The following TMCC1 variants were observed in gnomAD, a reference collection of about 807,000 sequenced individuals.
The protein encoded by TMCC1 is transmembrane and coiled-coil domains protein 1.
Under a neutral mutation model 52.4 loss-of-function variants are expected in TMCC1, and 15 were observed. The ratio of observed to expected loss-of-function variants is 0.29; its 90% CI spans 0.19 to 0.44. The LOEUF is 0.44. Among genes scored for constraint, TMCC1 ranks in the 20% least tolerant of loss-of-function variants. The pLI, the probability that TMCC1 is intolerant of heterozygous loss-of-function variation, is 1.00. For synonymous variants in TMCC1, 279 were observed against 301.9 expected, an observed-to-expected ratio of 0.92 and a Z score of 0.79; for missense variants, 503 against 806.0, an observed-to-expected ratio of 0.62 and a Z score of 4.55.
chr3:129,822,859 G>C (rs1417926434), intron 4 of TMCC1, among the ~76,000 whole-genome samples: 1 of 152,150 alleles, frequency 6.6e-6, no homozygotes, highest in East Asian at 1.9e-4. Flanking sequence ...AGCAGCCAGT[G>C]ATCTTCTGAC....
At chr3:129,798,686 A>G (rs16863175) in intron 4 of TMCC1, among the ~76,000 whole-genome samples, 12,781 of 152,308 alleles carry the variant, frequency 0.084, 730 homozygotes, top group East Asian at 0.2. Context: ...AACAAAATTC[A>G]GTAATTTCTC....
At chr3:129,688,398 G>A in intron 4 of TMCC1, 2 of 985,460 alleles carry the variant, frequency 2.0e-6, no homozygotes, top group Non-Finnish European at 2.4e-6. Flanking sequence ...CTGCAAATGA[G>A]GACAGCTACC....
At chr3:129,866,526 C>T (rs183462721) in intron 2 of TMCC1, among the ~76,000 whole-genome samples, 8,423 of 151,034 alleles carry the variant, frequency 0.056, 332 homozygotes, top group Middle Eastern at 0.15. Context: ...TACAGGCATG[C>T]GCCACCACGC....
chr3:129,789,489 C>G (rs2056295283), intron 4 of TMCC1, among the ~76,000 whole-genome samples: 1 of 151,470 alleles, frequency 6.6e-6, no homozygotes, highest in Admixed American at 6.6e-5. Context: ...TTCTCCACTT[C>G]TTTTTTTTTG....
At chr3:129,815,079 T>G (rs2058030454) in intron 4 of TMCC1, among the ~76,000 whole-genome samples, 1 of 151,900 alleles carries the variant, frequency 6.6e-6, no homozygotes, top group African/African-American at 2.4e-5. Flanking sequence ...TATAGAACAC[T>G]TCACCCAATT....
chr3:129,667,732 T>A (rs1329222059), intron 5 of TMCC1, among the ~76,000 whole-genome samples: 1 of 152,214 alleles, frequency 6.6e-6, no homozygotes. Context: ...TGTCCTATTA[T>A]GTCTCCGACT....
chr3:129,796,737 A>C (rs560766631), intron 4 of TMCC1, among the ~76,000 whole-genome samples: 2 of 152,170 alleles, frequency 1.3e-5, no homozygotes, highest in Non-Finnish European at 2.9e-5. Context: ...ACTACTTGGG[A>C]GACTGAGGTG....
At chr3:129,770,412 A>T (rs2054466172) in intron 4 of TMCC1, among the ~76,000 whole-genome samples, 1 of 152,038 alleles carries the variant, frequency 6.6e-6, no homozygotes, top group Admixed American at 6.6e-5. Context: ...GTTACTCAGG[A>T]GGCTGAGATA....
chr3:129,649,977 T>C lies in TMCC1; in HGVS notation c.*1504A>G, dbSNP rs183508140. The C allele has an allele frequency of 6.5e-6, 1 of 152,728 alleles. No individual in the cohort carries two copies. Among genetic ancestry groups the C allele is most frequent in the East Asian group, 1.9e-4 (1 of 5,184 alleles). 9.5% of individuals were successfully genotyped at this position (152,728 alleles called of 1,614,324 possible). A position where few individuals can be genotyped will look rare whatever the true frequency, so the allele number is the denominator to read the frequency against. ...TAGGTTAACAAGTCCGTTTACATTATAGGAAGCTGGCAACATTTCACACCC... is the reference window on the plus strand; with the variant it reads ...TAGGTTAACAAGTCCGTTTACATTACAGGAAGCTGGCAACATTTCACACCC... On this transcript the variant is annotated 3_prime_UTR_variant, in exon 7 of 7. Coordinates refer to ENST00000393238, the MANE Select transcript of TMCC1 (RefSeq NM_001017395.5).
At chr3:129,799,335 G>A (rs1475336242) in intron 4 of TMCC1, among the ~76,000 whole-genome samples, 3 of 152,164 alleles carry the variant, frequency 2.0e-5, no homozygotes, top group African/African-American at 7.2e-5. Flanking sequence ...CGGTAAGAAG[G>A]GAGGAGCAGA....
In TMCC1 at chr3:129,683,807, A is replaced by G. The variant is rs1223078062; in HGVS notation, c.577-12543T>C. Among the ~76,000 whole-genome samples the G allele has an allele frequency of 2.0e-5, 3 of 152,282 alleles. No individual in the cohort carries two copies. The East Asian group carries it at 5.8e-4, about 29-fold the overall frequency. ...CCTGAATAAAAATTATTTTAAGAGA[A>G]ATTTATTTAAACAGACAGGACAGCT... On this transcript the variant is annotated intron_variant, in intron 4 of 6. Transcript: ENST00000393238.
intron 2 of TMCC1, among the ~76,000 whole-genome samples, chr3:129,841,767 T>C (rs988694696): frequency 2.0e-5 from 3 of 152,228 alleles, no homozygotes; most frequent in Non-Finnish European, 4.4e-5. Flanking sequence ...GCTGCTGTTC[T>C]TGTGATAGTG....
chr3:129,686,192 AAAC>A (rs1249075707), intron 4 of TMCC1, among the ~76,000 whole-genome samples: 2 of 152,234 alleles, frequency 1.3e-5, no homozygotes, highest in African/African-American at 4.8e-5. Flanking sequence ...ATTTTAGAAT[AAAC>A]AAGAATCTGA....
chr3:129,688,541 C>T (rs183266821), intron 4 of TMCC1: 36 of 985,508 alleles, frequency 3.7e-5, no homozygotes, highest in African/African-American at 3.1e-4. Flanking sequence ...TTAATACCCT[C>T]GCATAGCCAA....
rs188408093 is a variant in TMCC1 at position 129,889,959 on chromosome 3, C to G, written c.-435+3535G>C. Reference sequence around the variant, plus strand: ...AAAGAATAAACTAAGCTCACAACAACCAGAAGGGTGAAGAAATAAGAAAAA... The same window carrying G: ...AAAGAATAAACTAAGCTCACAACAAGCAGAAGGGTGAAGAAATAAGAAAAA... On this transcript the variant is annotated intron_variant, in intron 1 of 6. Transcript: ENST00000393238. Among the ~76,000 whole-genome samples, 13 of 139,002 alleles carry G rather than the reference C, an allele frequency of 9.4e-5. 2 individuals carry two copies. The highest frequency in any genetic ancestry group is 8.5e-4 in the Admixed American group (12 of 14,042). 91.2% of individuals were successfully genotyped at this position (139,002 alleles called of 152,430 possible).
intron 4 of TMCC1, among the ~76,000 whole-genome samples, chr3:129,752,706 A>C (rs761911785): frequency 2.0e-5 from 3 of 152,140 alleles, no homozygotes; most frequent in Non-Finnish European, 4.4e-5. Flanking sequence ...TAAAACAGTA[A>C]GTACCAAATG....
intron 2 of TMCC1, among the ~76,000 whole-genome samples, chr3:129,852,009 C>T (rs759234324): frequency 1.3e-5 from 2 of 151,682 alleles, no homozygotes; most frequent in Admixed American, 6.6e-5. Flanking sequence ...AAAAATTAGC[C>T]GGGTGTGGTT....
chr3:129,849,123 C>A (rs1416217598), intron 2 of TMCC1, among the ~76,000 whole-genome samples: 1 of 152,132 alleles, frequency 6.6e-6, no homozygotes, highest in African/African-American at 2.4e-5. Context: ...ATAAATTTAA[C>A]AGAGCAAGAT....
At chr3:129,841,373 C>A (rs768191906) in intron 2 of TMCC1, among the ~76,000 whole-genome samples, 1 of 152,122 alleles carries the variant, frequency 6.6e-6, no homozygotes, top group Admixed American at 6.6e-5. Flanking sequence ...GATCACCTGA[C>A]GTCAGAAGTT....
Sources: allele counts gnomAD v4.1 joint callset (sites outside exome capture counted in the v4.1 genomes callset), GRCh38; gene constraint gnomAD v4.1.1; transcripts MANE v1.5; gene names NCBI Gene and HGNC (gene_info 2026-07-23, HGNC 2026-07-21).